The following GPC5 variants were observed in gnomAD, a reference collection of about 807,000 sequenced individuals.
The protein encoded by GPC5 is glypican 5, also known as glypican-5.
In GPC5, 47 loss-of-function variants were observed where a neutral mutation model predicts 53.9. The ratio of observed to expected loss-of-function variants is 0.87; its 90% CI spans 0.69 to 1.11. The LOEUF is 1.11. Ranked by LOEUF, GPC5 falls within the 50% of genes most tolerant of loss-of-function variation. The probability of loss-of-function intolerance (pLI) is 0.00; values close to 1 mark genes in which losing one functional copy is unlikely to be tolerated. For synonymous variants in GPC5, 286 were observed against 263.3 expected (o/e 1.09, Z -0.84); for missense variants, 748 against 713.1 (o/e 1.05, Z -0.56).
intron 7 of GPC5, among the ~76,000 whole-genome samples, chr13:92,205,908 G>A (rs1473905915): frequency 1.3e-5 from 2 of 151,772 alleles, no homozygotes; most frequent in African/African-American, 4.8e-5. Context: ...TTAGGGTGAT[G>A]GCACATGCCT....
intron 5 of GPC5, among the ~76,000 whole-genome samples, chr13:91,780,801 T>C (rs1037269916): frequency 2.0e-5 from 3 of 152,212 alleles, no homozygotes; most frequent in Non-Finnish European, 4.4e-5. Context: ...AATTCAACTT[T>C]GTTCAAGGTC....
At chr13:91,526,550 C>A (rs1437609022) in intron 2 of GPC5, among the ~76,000 whole-genome samples, 2 of 152,084 alleles carry the variant, frequency 1.3e-5, no homozygotes, top group South Asian at 4.1e-4. Context: ...TTAATTTTTG[C>A]TTTTATCTTA....
chr13:91,686,330 C>G (rs572111836), intron 2 of GPC5, among the ~76,000 whole-genome samples: 2 of 151,952 alleles, frequency 1.3e-5, no homozygotes, highest in African/African-American at 2.4e-5. Context: ...TTTTTCCATA[C>G]AGTGCTTGTC....
At chr13:91,914,003 A>G (rs1182828796) in intron 6 of GPC5, among the ~76,000 whole-genome samples, 1 of 152,212 alleles carries the variant, frequency 6.6e-6, no homozygotes, top group Non-Finnish European at 1.5e-5. Context: ...GATTGAGGAA[A>G]TGCGAGAGCC....
At chr13:92,534,499 T>C (rs775473355) in intron 7 of GPC5, among the ~76,000 whole-genome samples, 4 of 152,156 alleles carry the variant, frequency 2.6e-5, no homozygotes, top group Non-Finnish European at 2.9e-5. Flanking sequence ...TTTTCAAACA[T>C]AACATTCTAC....
At position 92,248,234 on chromosome 13, in the gene GPC5, G is replaced by C. The variant is rs1257314928; in HGVS notation, c.1561+103245G>C. Among the ~76,000 whole-genome samples, 5 of 152,024 alleles carry C rather than the reference G, an allele frequency of 3.3e-5. No individual in the cohort carries two copies. In the East Asian group the frequency reaches 9.7e-4, roughly 29 times the overall value. On this transcript the variant is annotated intron_variant, in intron 7 of 7. Coordinates refer to ENST00000377067, the MANE Select transcript of GPC5 (RefSeq NM_004466.6). The stretch of plus-strand genomic sequence containing the variant: ...AAAAAAACAGATTTTTAGCCCCATA[G>C]GCTGAGGGATTAAGGAGGGCTGGCT...
At chr13:92,327,663 G>A (rs534141387) in intron 7 of GPC5, among the ~76,000 whole-genome samples, 5 of 152,226 alleles carry the variant, frequency 3.3e-5, no homozygotes, top group South Asian at 4.1e-4. Flanking sequence ...ACCATCATTC[G>A]TGTTATCACT....
chr13:92,289,097 A>T (rs2042976519), intron 7 of GPC5, among the ~76,000 whole-genome samples: 1 of 152,108 alleles, frequency 6.6e-6, no homozygotes, highest in Non-Finnish European at 1.5e-5. Context: ...CCAAAAAAAA[A>T]AAAGCCCTAA....
chr13:92,128,126 C>G (rs1051376209), intron 6 of GPC5, among the ~76,000 whole-genome samples: 2 of 152,138 alleles, frequency 1.3e-5, no homozygotes, highest in African/African-American at 4.8e-5. Flanking sequence ...TTTCCCTATT[C>G]TTCGGGTTTC....
chr13:92,433,007 C>T (rs184945519), intron 7 of GPC5, among the ~76,000 whole-genome samples: 3 of 151,992 alleles, frequency 2.0e-5, no homozygotes, highest in Non-Finnish European at 2.9e-5. Flanking sequence ...TATTATTTTG[C>T]AAAATTTACT....
intron 7 of GPC5, among the ~76,000 whole-genome samples, chr13:92,787,145 A>C (rs1456582174): frequency 1.3e-5 from 2 of 152,172 alleles, no homozygotes; most frequent in East Asian, 1.9e-4. Context: ...CCACAGAAAG[A>C]ATACACCCAA....
chr13:92,519,185 T>C (rs1594269669), intron 7 of GPC5, among the ~76,000 whole-genome samples: 1 of 152,142 alleles, frequency 6.6e-6, no homozygotes, highest in Non-Finnish European at 1.5e-5. Context: ...AATGGGAGAC[T>C]TTAACACCCC....
At chr13:91,516,686 G>C (rs1414178468) in intron 2 of GPC5, among the ~76,000 whole-genome samples, 1 of 152,208 alleles carries the variant, frequency 6.6e-6, no homozygotes. Flanking sequence ...GACTCTGTGT[G>C]GGGGCTCTGA....
At chr13:92,000,360 GAAAT>G (rs1942867465) in intron 6 of GPC5, among the ~76,000 whole-genome samples, 1 of 151,906 alleles carries the variant, frequency 6.6e-6, no homozygotes, top group Non-Finnish European at 1.5e-5. Context: ...CTATTCTTCA[GAAAT>G]AAATATATAT....
chr13:92,353,532 T>C (rs1279868918), intron 7 of GPC5, among the ~76,000 whole-genome samples: 6 of 152,136 alleles, frequency 3.9e-5, no homozygotes, highest in Non-Finnish European at 1.5e-5. Flanking sequence ...GATTATAAAA[T>C]GGAGAGGTAA....
rs142874972 is a variant in GPC5 at position 92,670,368 on chromosome 13, C to G, written c.1562-195914C>G. On this transcript the variant is annotated intron_variant, in intron 7 of 7. Coordinates refer to ENST00000377067, the MANE Select transcript of GPC5 (RefSeq NM_004466.6). ...GATGATTCAAAGAACCCTTGGTTGTCCTGAAACATTGCTTTTATTCATGGG... is the reference window on the plus strand; with the variant it reads ...GATGATTCAAAGAACCCTTGGTTGTGCTGAAACATTGCTTTTATTCATGGG... 1.9e-3 allele frequency among the ~76,000 whole-genome samples: 295 copies of G among 152,260 alleles called. 1 individual carries two copies. Among genetic ancestry groups the G allele is most frequent in the African/African-American group, 6.8e-3 (282 of 41,560 alleles).
intron 6 of GPC5, among the ~76,000 whole-genome samples, chr13:91,949,185 A>G (rs1421771183): frequency 2.6e-5 from 4 of 152,200 alleles, no homozygotes; most frequent in Non-Finnish European, 5.9e-5. Context: ...TATTGCCTTC[A>G]GTTGTAACCA....
At chr13:92,761,600 T>G (rs66498781) in intron 7 of GPC5, among the ~76,000 whole-genome samples, 31,823 of 152,090 alleles carry the variant, frequency 0.21, 3,505 homozygotes, top group Middle Eastern at 0.28. Flanking sequence ...TTCAGCCTAT[T>G]TGTGTCCTTA....
chr13:91,548,542 C>T (rs1384009136), intron 2 of GPC5, among the ~76,000 whole-genome samples: 1 of 152,132 alleles, frequency 6.6e-6, no homozygotes, highest in Admixed American at 6.5e-5. Flanking sequence ...TCTAATTCAG[C>T]CTGTAGATTC....
Sources: allele counts gnomAD v4.1 joint callset (sites outside exome capture counted in the v4.1 genomes callset), GRCh38; gene constraint gnomAD v4.1.1; transcripts MANE v1.5; gene names NCBI Gene and HGNC (gene_info 2026-07-23, HGNC 2026-07-21).